MLIP: variants seen among roughly 807,000 people sequenced by gnomAD.
MLIP encodes muscular LMNA interacting protein, also known as muscular LMNA-interacting protein.
In MLIP, 79 loss-of-function variants were observed where a neutral mutation model predicts 84.8. The ratio of observed to expected loss-of-function variants is 0.93; its 90% CI spans 0.78 to 1.12. MLIP has a LOEUF of 1.12. MLIP is among the 50% of genes most tolerant of loss of function. MLIP has a pLI of 0.00. For missense variants in MLIP, 1,257 were observed against 1,160.6 expected (o/e 1.08, Z -1.21); for synonymous variants, 504 against 463.0 (o/e 1.09, Z -1.14).
chr6:54,020,841 T>C (rs1763456465), intron 1 of MLIP, among the ~76,000 whole-genome samples: 1 of 152,100 alleles, frequency 6.6e-6, no homozygotes, highest in Non-Finnish European at 1.5e-5. Context: ...ATCAGAGGCA[T>C]ACGAACATTC....
chr6:54,218,036 G>A, intron 11 of MLIP: 3 of 973,770 alleles, frequency 3.1e-6, no homozygotes, highest in Non-Finnish European at 3.7e-6. Flanking sequence ...TGGTCTGTGG[G>A]CCAAACCTGG....
At chr6:54,209,901 C>CA (rs1779300189) in intron 11 of MLIP, among the ~76,000 whole-genome samples, 2 of 142,962 alleles carry the variant, frequency 1.4e-5, no homozygotes, top group Non-Finnish European at 1.5e-5. Context: ...TTTTTTCTTT[C>CA]TTTTTTTTTT....
At chr6:54,228,290 A>G (rs1403435193) in intron 11 of MLIP, among the ~76,000 whole-genome samples, 2 of 152,074 alleles carry the variant, frequency 1.3e-5, no homozygotes, top group East Asian at 3.8e-4. Flanking sequence ...TGCTAAAGAG[A>G]ATCACAGGAT....
intron 9 of MLIP, among the ~76,000 whole-genome samples, chr6:54,184,436 C>G (rs1393602929): frequency 6.6e-6 from 1 of 152,118 alleles, no homozygotes; most frequent in African/African-American, 2.4e-5. Flanking sequence ...TGATGCCGAC[C>G]AAAGGGATAC....
At chr6:54,049,026 A>T (rs977620334) in intron 1 of MLIP, among the ~76,000 whole-genome samples, 1 of 152,166 alleles carries the variant, frequency 6.6e-6, no homozygotes, top group South Asian at 2.1e-4. Flanking sequence ...ACTTTCCTTG[A>T]AAGTCTATGT....
chr6:54,092,063 G>T (rs774339775), intron 1 of MLIP, among the ~76,000 whole-genome samples: 1 of 152,074 alleles, frequency 6.6e-6, no homozygotes, highest in Admixed American at 6.6e-5. Flanking sequence ...ACTTGACTAG[G>T]ATCTGGAATT....
intron 9 of MLIP, among the ~76,000 whole-genome samples, chr6:54,180,318 C>G (rs571390764): frequency 6.6e-6 from 1 of 152,128 alleles, no homozygotes; most frequent in East Asian, 1.9e-4. Flanking sequence ...GTTAAATCTT[C>G]CTGGTGTTCT....
intron 12 of MLIP, among the ~76,000 whole-genome samples, chr6:54,234,364 T>C (rs1074639): frequency 0.31 from 46,705 of 151,986 alleles, 9,644 homozygotes; most frequent in African/African-American, 0.59. Context: ...CTGAAGATAA[T>C]GAAAAACATA....
chr6:54,102,079 G>C (rs1768694497), intron 1 of MLIP, among the ~76,000 whole-genome samples: 1 of 152,082 alleles, frequency 6.6e-6, no homozygotes, highest in African/African-American at 2.4e-5. Context: ...TATCTCTAAA[G>C]TAAGGCTGGC....
intron 12 of MLIP, among the ~76,000 whole-genome samples, chr6:54,250,844 A>G (rs1417194805): frequency 6.6e-6 from 1 of 152,062 alleles, no homozygotes; most frequent in Non-Finnish European, 1.5e-5. Context: ...TGGGAAAAAT[A>G]TGCCTTCATC....
intron 13 of MLIP, among the ~76,000 whole-genome samples, chr6:54,261,974 A>T (rs1223100174): frequency 6.6e-6 from 1 of 152,008 alleles, no homozygotes; most frequent in African/African-American, 2.4e-5. Flanking sequence ...TGATAGACAA[A>T]TGGCTACAGG....
At chr6:54,150,164 A>G (rs1773291846) in intron 5 of MLIP, among the ~76,000 whole-genome samples, 1 of 152,186 alleles carries the variant, frequency 6.6e-6, no homozygotes, top group South Asian at 2.1e-4. Flanking sequence ...AGGAATTGTT[A>G]GTGGAACAAG....
intron 4 of MLIP, among the ~76,000 whole-genome samples, chr6:54,138,743 T>G (rs1561972586): frequency 6.6e-6 from 1 of 152,200 alleles, no homozygotes. Flanking sequence ...ATCTTAGATC[T>G]AGGCCTGTGA....
intron 3 of MLIP, among the ~76,000 whole-genome samples, chr6:54,128,364 G>A (rs940279053): frequency 6.6e-6 from 1 of 152,068 alleles, no homozygotes; most frequent in Middle Eastern, 3.2e-3. Context: ...CAGGATTCAA[G>A]CCAGGAAACA....
chr6:54,203,737 C>T (rs1387700382), intron 11 of MLIP: 1 of 152,538 alleles, frequency 6.6e-6, no homozygotes, highest in Non-Finnish European at 1.5e-5. Flanking sequence ...AGGCGCCTGC[C>T]ACCACTCCCG....
intron 13 of MLIP, among the ~76,000 whole-genome samples, chr6:54,265,427 A>G (rs1783630576): frequency 6.6e-6 from 1 of 152,136 alleles, no homozygotes; most frequent in Admixed American, 6.6e-5. Flanking sequence ...AAATTGTAAG[A>G]TCAAGCAAAT....
chr6:54,149,581 T>C (rs1278480638), intron 5 of MLIP, among the ~76,000 whole-genome samples: 2 of 152,116 alleles, frequency 1.3e-5, no homozygotes, highest in Admixed American at 6.6e-5. Flanking sequence ...CATTGTACTA[T>C]ACTGATACTC....
intron 8 of MLIP, among the ~76,000 whole-genome samples, chr6:54,165,223 G>A (rs1435141631): frequency 6.6e-6 from 1 of 151,884 alleles, no homozygotes; most frequent in African/African-American, 2.4e-5. Flanking sequence ...AAGCGCCATA[G>A]TATCAACCAG....
chr6:54,243,251 A>G (rs76640984), intron 12 of MLIP, among the ~76,000 whole-genome samples: 3,721 of 152,268 alleles, frequency 0.024, 151 homozygotes, highest in African/African-American at 0.085. Context: ...AAAGAAGTGA[A>G]GGCTGGGAGT....
Sources: gnomAD v4.1 joint callset for allele counts (sites outside exome capture counted in the v4.1 genomes callset) on GRCh38, gnomAD v4.1.1 for gene constraint, MANE v1.5 for transcripts, NCBI Gene and HGNC (gene_info 2026-07-23, HGNC 2026-07-21) for gene names.